The following MAP4K1 variants were observed in gnomAD, a reference collection of about 807,000 sequenced individuals.
MAP4K1 encodes MAPK/ERK kinase kinase kinase 1.
In MAP4K1, 35 loss-of-function variants were observed where a neutral mutation model predicts 122.8. That is an observed-to-expected ratio of 0.29 (90% CI 0.22 to 0.38). The LOEUF (loss-of-function observed/expected upper bound fraction) is 0.38. MAP4K1 is among the 10% of genes least tolerant of loss of function. The pLI, the probability that MAP4K1 is intolerant of heterozygous loss-of-function variation, is 1.00. For synonymous variants in MAP4K1, 412 were observed against 421.3 expected (o/e 0.98, Z 0.27); for missense variants, 791 against 1,072.6 (o/e 0.74, Z 3.67).
At position 38,602,646 on chromosome 19, in the gene MAP4K1, A is replaced by G. The variant is rs899794344; in HGVS notation, c.1447-1121T>C. On this transcript the variant is annotated intron_variant, in intron 19 of 30. Transcript: ENST00000396857. ...TATACATATATATACACACCTATAC[A>G]TATATACATATATACACATGTACAT... is the stretch of plus-strand genomic sequence containing the variant. 3.6e-5 allele frequency among the ~76,000 whole-genome samples: 5 copies of G among 136,998 alleles called. No individual in the cohort carries two copies. The East Asian group carries it at 9.5e-4, about 26-fold the overall frequency. 89.9% of individuals were successfully genotyped at this position (136,998 alleles called of 152,430 possible). A position where few individuals can be genotyped will look rare whatever the true frequency, so the allele number is the denominator to read the frequency against.
intron 9 of MAP4K1, 78 bp downstream of exon 9, chr19:38,612,533 G>A: frequency 7.0e-7 from 1 of 1,437,138 alleles, no homozygotes; most frequent in Non-Finnish European, 9.3e-7. Context: ...TTCCTGGGAT[G>A]GAAGGCGGAA....
intron 9 of MAP4K1, 71 bp downstream of exon 9, chr19:38,612,540 G>T: frequency 6.8e-7 from 1 of 1,474,564 alleles, no homozygotes; most frequent in South Asian, 1.3e-5. Context: ...GATGGAAGGC[G>T]GAAGCTGAGG....
intron 4 of MAP4K1, chr19:38,614,786 G>A (rs1050174901): frequency 3.0e-6 from 1 of 338,734 alleles, no homozygotes; most frequent in Non-Finnish European, 5.7e-6. Context: ...GCCAGGCATA[G>A]TGGTGCATGC....
intron 6 of MAP4K1, 60 bp from the exon 7 acceptor site, chr19:38,614,145 A>G (rs1443576401): frequency 6.2e-7 from 1 of 1,610,360 alleles, no homozygotes; most frequent in Non-Finnish European, 8.5e-7. Context: ...GTGCTAGCCC[A>G]CTCCGCCAGC....
intron 19 of MAP4K1, among the ~76,000 whole-genome samples, chr19:38,602,489 C>T (rs1041514375): frequency 3.8e-5 from 5 of 131,982 alleles, no homozygotes; most frequent in Non-Finnish European, 9.0e-5. Context: ...CACACATATA[C>T]ATATATACAT....
rs1974939067 is a variant in MAP4K1, at chr19:38,597,941, T to C, written c.1670-347A>G. Reference sequence around the variant, plus strand: ...GAAGAAACACATCTAGAAAATCTTCTAGTTTGTCATCACAGATGTGGCTTT... The same window carrying C: ...GAAGAAACACATCTAGAAAATCTTCCAGTTTGTCATCACAGATGTGGCTTT... On this transcript the variant is annotated intron_variant, in intron 22 of 30. Transcript: ENST00000396857. The surrounding 1 kb of genome is among the most constrained non-coding windows in gnomAD (Gnocchi z 4.6). 6.6e-6 allele frequency among the ~76,000 whole-genome samples: 1 copy of C among 152,212 alleles called. No individual in the cohort carries two copies. The highest frequency in any genetic ancestry group is 2.4e-5 in the African/African-American group (1 of 41,464).
intron 9 of MAP4K1, among the ~76,000 whole-genome samples, chr19:38,611,742 T>C (rs1307701676): frequency 6.6e-6 from 1 of 152,128 alleles, no homozygotes; most frequent in African/African-American, 2.4e-5. Flanking sequence ...ATCGTGCCGC[T>C]GCACTCCAGC....
At chr19:38,603,076 ATATACACAT>A (rs1975176984) in intron 19 of MAP4K1, among the ~76,000 whole-genome samples, 7 of 121,080 alleles carry the variant, frequency 5.8e-5, no homozygotes, top group Non-Finnish European at 1.2e-4. Flanking sequence ...ACATATACAT[ATATACACAT>A]GTACATATAT....
chr19:38,608,074 C>G (rs772258809), intron 14 of MAP4K1, 38 bp downstream of exon 14: 8 of 1,566,912 alleles, frequency 5.1e-6, no homozygotes, highest in Non-Finnish European at 6.9e-6. Context: ...CTCAGGGAAG[C>G]AGGCGGTGTG....
rs771676546 is a variant in MAP4K1 at position 38,606,233 on chromosome 19, G to A, written c.1158-18C>T. 1 of 1,452,708 alleles carries A rather than the reference G, an allele frequency of 6.9e-7. No homozygotes were observed. The highest frequency in any genetic ancestry group is 9.3e-7 in the Non-Finnish European group (1 of 1,071,132). The allele number at this position is 1,452,708 out of a possible 1,614,324, so 90.0% of individuals were successfully genotyped here. On this transcript the variant is annotated intron_variant, in intron 16 of 30. Coordinates refer to ENST00000396857, the MANE Select transcript of MAP4K1 (RefSeq NM_001042600.3). ...GGGTGGGGCTGAAACACAAAGATGGGTTAAATAGCTGGGGGGCTGGGGAAC... is the reference window on the plus strand; with the variant it reads ...GGGTGGGGCTGAAACACAAAGATGGATTAAATAGCTGGGGGGCTGGGGAAC...
At position 38,617,864 on chromosome 19, in the gene MAP4K1, CTA is replaced by C; in HGVS notation, c.30_31del (p.Asn10LysfsTer8). Reference sequence around the variant, plus strand: ...CAGGTCATAGTGGTCCCGGGGGTCTCTATTGAAAATGTCAGGGTCCACGACGT... The same window carrying C: ...CAGGTCATAGTGGTCCCGGGGGTCTCTTGAAAATGTCAGGGTCCACGACGT... On this transcript the variant is annotated frameshift_variant, in exon 1 of 31. Coordinates refer to ENST00000396857, the MANE Select transcript of MAP4K1 (RefSeq NM_001042600.3). LOFTEE classifies it high-confidence loss of function. This position sits in a 1 kb window ranked among gnomAD's most constrained non-coding sequence, Gnocchi z 4.1. The C allele has an allele frequency of 6.2e-7, 1 of 1,614,160 alleles. No homozygotes were observed. Among genetic ancestry groups the C allele is most frequent in the Non-Finnish European group, 8.5e-7 (1 of 1,180,014 alleles).
chr19:38,587,646 G>A lies in MAP4K1; in HGVS notation c.*102C>T, dbSNP rs1256681808. The A allele has an allele frequency of 4.9e-6, 5 of 1,017,088 alleles. No individual in the cohort carries two copies. The highest frequency in any genetic ancestry group is 2.4e-4 in the Middle Eastern group (1 of 4,126). The allele number at this position is 1,017,088 out of a possible 1,614,324, so 63.0% of individuals were successfully genotyped here. A position where few individuals can be genotyped will look rare whatever the true frequency, so the allele number is the denominator to read the frequency against. Reference sequence around the variant, plus strand: ...CCAAGAAAAACAAGATGACAGCAGAGGCTAAAGTCATGTTTATTGGGAGAT... The same window carrying A: ...CCAAGAAAAACAAGATGACAGCAGAAGCTAAAGTCATGTTTATTGGGAGAT... On this transcript the variant is annotated 3_prime_UTR_variant, in exon 31 of 31. Coordinates refer to ENST00000396857, the MANE Select transcript of MAP4K1 (RefSeq NM_001042600.3).
At chr19:38,609,817 T>G in intron 12 of MAP4K1, 92 bp downstream of exon 12, 1 of 1,343,042 alleles carries the variant, frequency 7.4e-7, no homozygotes, top group Non-Finnish European at 1.1e-6. Context: ...GTTTTCCCCC[T>G]AAGAGAGGCA....
At chr19:38,609,458 GTGC>G in intron 13 of MAP4K1, 135 bp downstream of exon 13, 1 of 762,588 alleles carries the variant, frequency 1.3e-6, no homozygotes. Flanking sequence ...TGTAGTTCAG[GTGC>G]TGATGAGATT....
intron 22 of MAP4K1, among the ~76,000 whole-genome samples, chr19:38,599,238 C>T (rs1231958224): frequency 6.7e-6 from 1 of 149,328 alleles, no homozygotes; most frequent in Non-Finnish European, 1.5e-5. Context: ...ATACCAGCTA[C>T]TCGGGAGGCT....
chr19:38,606,543 C>A lies in MAP4K1; in HGVS notation c.1158-328G>T, dbSNP rs182843769. Among the ~76,000 whole-genome samples, 147 of 152,200 alleles carry A rather than the reference C, an allele frequency of 9.7e-4. 1 individual carries two copies. Among genetic ancestry groups the A allele is most frequent in the African/African-American group, 3.5e-3 (144 of 41,532 alleles). On this transcript the variant is annotated intron_variant, in intron 16 of 30. Coordinates refer to ENST00000396857, the MANE Select transcript of MAP4K1 (RefSeq NM_001042600.3). ...GTGGCAGGTGCGCCTGTGACCGCAG[C>A]TACTCAGGAGGCTGAGGTGGGAGGA...
In MAP4K1 at chr19:38,617,736, C is replaced by A. The variant is rs900069801; in HGVS notation, c.99+61G>T. 2 of 1,606,154 alleles carry A rather than the reference C, an allele frequency of 1.2e-6. No individual in the cohort carries two copies. Among genetic ancestry groups the A allele is most frequent in the Admixed American group, 3.3e-5 (2 of 60,004 alleles). On this transcript the variant is annotated intron_variant, in intron 1 of 30. Transcript: ENST00000396857. This position sits in a 1 kb window ranked among gnomAD's most constrained non-coding sequence, Gnocchi z 4.1. ...ACCCCCTCTTGCAGCCTCCTCCCTG[C>A]CGAGGGCTTGCCTTAAAGGTCACTG...
At chr19:38,602,119 A>G (rs1975081830) in intron 19 of MAP4K1, among the ~76,000 whole-genome samples, 1 of 152,134 alleles carries the variant, frequency 6.6e-6, no homozygotes, top group Non-Finnish European at 1.5e-5. Flanking sequence ...TCTGTTGCCC[A>G]GGCTGGAGTG....
At chr19:38,601,023 C>A (rs1180973578) in intron 20 of MAP4K1, among the ~76,000 whole-genome samples, 1 of 152,090 alleles carries the variant, frequency 6.6e-6, no homozygotes, top group East Asian at 1.9e-4. Flanking sequence ...CCAGGCTGGT[C>A]TCAAACTCCT....
Sources: allele counts gnomAD v4.1 joint callset (sites outside exome capture counted in the v4.1 genomes callset), GRCh38; gene constraint gnomAD v4.1.1; non-coding constraint Gnocchi (gnomAD v3.1); transcripts MANE v1.5; gene names NCBI Gene and HGNC (gene_info 2026-07-23, HGNC 2026-07-21).